The following DGKB variants were observed in gnomAD, a reference collection of about 807,000 sequenced individuals.
DGKB encodes diacylglycerol kinase beta, also known as 90 kDa diacylglycerol kinase.
A neutral mutation model predicts 114.3 loss-of-function variants in DGKB; 67 were observed. That is an observed-to-expected ratio of 0.59 (90% CI 0.48 to 0.72). The LOEUF (loss-of-function observed/expected upper bound fraction) is 0.72, where lower values mean the gene tolerates loss of function less well. DGKB is among the 30% of genes least tolerant of loss of function. The pLI, the probability that DGKB is intolerant of heterozygous loss-of-function variation, is 0.00. For missense variants in DGKB, 907 were observed against 975.2 expected (o/e 0.93, Z 0.93); for synonymous variants, 398 against 323.1 (o/e 1.23, Z -2.49).
intron 13 of DGKB, among the ~76,000 whole-genome samples, chr7:14,633,402 CAAGAAT>C (rs1365603109): frequency 6.6e-6 from 1 of 151,768 alleles, no homozygotes; most frequent in African/African-American, 2.4e-5. Context: ...AAATTTACTC[CAAGAAT>C]AAGAGTGACA....
intron 9 of DGKB, among the ~76,000 whole-genome samples, chr7:14,691,606 C>T (rs185769940): frequency 6.6e-6 from 1 of 152,206 alleles, no homozygotes; most frequent in East Asian, 1.9e-4. Flanking sequence ...CAAATAGATG[C>T]TGTATTTTGT....
At chr7:14,819,594 A>C (rs1032571298) in intron 2 of DGKB, among the ~76,000 whole-genome samples, 2 of 152,178 alleles carry the variant, frequency 1.3e-5, no homozygotes, top group Non-Finnish European at 1.5e-5. Context: ...AGTCTAAAAA[A>C]TGTAAAAATA....
chr7:14,964,843 C>G (rs1787059714), intron 1 of DGKB, among the ~76,000 whole-genome samples: 1 of 152,076 alleles, frequency 6.6e-6, no homozygotes, highest in Non-Finnish European at 1.5e-5. Context: ...TTATGGTATT[C>G]AGGGTTATAT....
At chr7:14,309,344 A>G (rs1376254171) in intron 23 of DGKB, among the ~76,000 whole-genome samples, 2 of 152,226 alleles carry the variant, frequency 1.3e-5, no homozygotes, top group Admixed American at 1.3e-4. Flanking sequence ...TCTATGTAAA[A>G]GCAAACACCA....
At chr7:14,302,478 G>T (rs758918484) in intron 23 of DGKB, among the ~76,000 whole-genome samples, 8 of 151,990 alleles carry the variant, frequency 5.3e-5, no homozygotes, top group Non-Finnish European at 1.0e-4. Flanking sequence ...ACCTGTGATT[G>T]TCTACCTCCC....
rs112890403 is a variant in DGKB, at chr7:14,654,026, C to T, written c.1134+18903G>A. On this transcript the variant is annotated intron_variant, in intron 13 of 25. Coordinates refer to ENST00000402815, the MANE Select transcript of DGKB (RefSeq NM_001350709.2). Reference sequence around the variant, plus strand: ...TCTTATTCAACATACTACTAGCAGACCTAGGCAGAGCAGTTTGGCAACAGG... The same window carrying T: ...TCTTATTCAACATACTACTAGCAGATCTAGGCAGAGCAGTTTGGCAACAGG... Among the ~76,000 whole-genome samples, 677 of 152,072 alleles carry T rather than the reference C, an allele frequency of 4.5e-3. 2 individuals carry two copies. The highest frequency in any genetic ancestry group is 0.015 in the African/African-American group (620 of 41,504).
intron 23 of DGKB, among the ~76,000 whole-genome samples, chr7:14,188,555 G>T (rs537517071): frequency 0.015 from 2,182 of 143,270 alleles, 155 homozygotes; most frequent in African/African-American, 0.054. Context: ...AGCTACTTGG[G>T]AGGCTGAGGC....
chr7:14,431,177 T>C (rs1258875782), intron 21 of DGKB, among the ~76,000 whole-genome samples: 1 of 152,140 alleles, frequency 6.6e-6, no homozygotes, highest in Non-Finnish European at 1.5e-5. Flanking sequence ...CATGACTGAT[T>C]GACTTTCTTC....
At chr7:14,478,272 A>C (rs1035177269) in intron 20 of DGKB, 47 bp from the exon 21 acceptor site, 14 of 1,126,886 alleles carry the variant, frequency 1.2e-5, no homozygotes, top group Non-Finnish European at 1.8e-5. Context: ...TTATGATCCT[A>C]TTATTTTATG....
intron 2 of DGKB, among the ~76,000 whole-genome samples, chr7:14,793,085 G>GT (rs1477942430): frequency 1.3e-5 from 2 of 152,016 alleles, no homozygotes; most frequent in African/African-American, 4.8e-5. Context: ...AAACATATGC[G>GT]TATGTAATAC....
intron 1 of DGKB, among the ~76,000 whole-genome samples, chr7:14,893,044 A>T (rs1781533308): frequency 6.6e-6 from 1 of 151,142 alleles, no homozygotes; most frequent in Non-Finnish European, 1.5e-5. Context: ...CATAATCAAA[A>T]ATTCCCAATT....
intron 17 of DGKB, among the ~76,000 whole-genome samples, chr7:14,602,998 T>C (rs1190508850): frequency 1.3e-5 from 2 of 152,126 alleles, no homozygotes; most frequent in Non-Finnish European, 2.9e-5. Context: ...ATCTTTAAAA[T>C]CATAGTGCAT....
At chr7:14,163,944 G>T (rs139099826) in intron 25 of DGKB, among the ~76,000 whole-genome samples, 2 of 151,792 alleles carry the variant, frequency 1.3e-5, no homozygotes, top group Admixed American at 1.3e-4. Context: ...GCAGTGAGCC[G>T]AGATCATGCC....
At chr7:14,619,886 A>T (rs775405676) in intron 15 of DGKB, among the ~76,000 whole-genome samples, 1 of 151,694 alleles carries the variant, frequency 6.6e-6, no homozygotes, top group Non-Finnish European at 1.5e-5. Flanking sequence ...CAAATGATAT[A>T]TGCTTCCCAT....
chr7:14,909,509 A>G (rs1400617039), intron 1 of DGKB, among the ~76,000 whole-genome samples: 1 of 152,154 alleles, frequency 6.6e-6, no homozygotes, highest in Non-Finnish European at 1.5e-5. Context: ...AAATTGAAAA[A>G]AAAATGTTTT....
intron 20 of DGKB, among the ~76,000 whole-genome samples, chr7:14,507,193 A>G (rs888890758): frequency 2.6e-5 from 4 of 152,146 alleles, no homozygotes; most frequent in African/African-American, 9.7e-5. Flanking sequence ...AAACAACTAT[A>G]TATTATTATA....
intron 23 of DGKB, among the ~76,000 whole-genome samples, chr7:14,216,720 C>A (rs1584510773): frequency 9.3e-6 from 1 of 107,040 alleles, no homozygotes. Context: ...AGCAAGACTC[C>A]GTCTCAAAAA....
At chr7:14,296,397 T>C (rs1802569835) in intron 23 of DGKB, among the ~76,000 whole-genome samples, 1 of 152,182 alleles carries the variant, frequency 6.6e-6, no homozygotes, top group Admixed American at 6.5e-5. Flanking sequence ...CTTTATCCAA[T>C]CTATCATTGA....
At chr7:14,330,108 T>C (rs1045969567) in intron 23 of DGKB, among the ~76,000 whole-genome samples, 2 of 151,982 alleles carry the variant, frequency 1.3e-5, no homozygotes, top group African/African-American at 4.8e-5. Context: ...TAGCTAGAAA[T>C]ATAGAAGGGT....
Sources: gnomAD v4.1 joint callset for allele counts (sites outside exome capture counted in the v4.1 genomes callset) on GRCh38, gnomAD v4.1.1 for gene constraint, MANE v1.5 for transcripts, NCBI Gene and HGNC (gene_info 2026-07-23, HGNC 2026-07-21) for gene names.